Variants in SCAPER observed in about 807,000 individuals in gnomAD.
SCAPER encodes the protein S-phase cyclin A associated protein in the ER.
A neutral mutation model predicts 182.2 loss-of-function variants in SCAPER; 98 were observed. The observed-to-expected ratio is 0.54, with a 90% CI of 0.46 to 0.64. The LOEUF (loss-of-function observed/expected upper bound fraction) is 0.64. Ranked by LOEUF, SCAPER falls within the 30% of genes least tolerant of loss-of-function variation. SCAPER has a pLI of 0.00. For missense variants in SCAPER, 1,432 were observed against 1,690.0 expected, an observed-to-expected ratio of 0.85 and a Z score of 2.68; for synonymous variants, 605 against 564.6, an observed-to-expected ratio of 1.07 and a Z score of -1.01.
chr15:76,669,215 G>GCAACAA (rs34500814), intron 20 of SCAPER, among the ~76,000 whole-genome samples: 146 of 151,342 alleles, frequency 9.6e-4, no homozygotes, highest in African/African-American at 2.9e-3. Flanking sequence ...AAAACAAGCA[G>GCAACAA]CAGCAACAAC....
rs146885363 is a variant in SCAPER, at chr15:76,606,915, C to A, written c.2711+14849G>T. 9.0e-3 allele frequency among the ~76,000 whole-genome samples: 1,373 copies of A among 152,274 alleles called. 22 individuals carry two copies. Among genetic ancestry groups the A allele is most frequent in the African/African-American group, 0.032 (1,333 of 41,536 alleles). Reference sequence around the variant, plus strand: ...TATTTTGAGCCTATGTGTATCTCTGCACGTGAGATGGGTTTCCTGAATACA... The same window carrying A: ...TATTTTGAGCCTATGTGTATCTCTGAACGTGAGATGGGTTTCCTGAATACA... On this transcript the variant is annotated intron_variant, in intron 22 of 31. Transcript: ENST00000563290.
chr15:76,799,218 T>A (rs2065567591), intron 7 of SCAPER, among the ~76,000 whole-genome samples: 1 of 152,182 alleles, frequency 6.6e-6, no homozygotes, highest in African/African-American at 2.4e-5. Flanking sequence ...ATGTGAGTTT[T>A]AATCTTTGAA....
chr15:76,741,997 C>CATT (rs2061562991), intron 15 of SCAPER, among the ~76,000 whole-genome samples: 1 of 152,000 alleles, frequency 6.6e-6, no homozygotes, highest in South Asian at 2.1e-4. Context: ...AGTGAAACTT[C>CATT]ATTTTTCAGT....
intron 31 of SCAPER, 68 bp downstream of exon 31, chr15:76,351,169 A>G: frequency 7.3e-7 from 1 of 1,375,282 alleles, no homozygotes; most frequent in Admixed American, 2.2e-5. Flanking sequence ...GCAGTTCCAG[A>G]GGAAAGGATA....
At chr15:76,467,690 C>T (rs180981166) in intron 25 of SCAPER, among the ~76,000 whole-genome samples, 34 of 152,264 alleles carry the variant, frequency 2.2e-4, no homozygotes, top group South Asian at 2.1e-4. Context: ...CGTTGTAGTT[C>T]TGATAACATT....
intron 23 of SCAPER, among the ~76,000 whole-genome samples, chr15:76,572,919 T>TCTCACACACACACACACACACA (rs1477852757): frequency 5.2e-5 from 7 of 135,174 alleles, no homozygotes; most frequent in African/African-American, 2.0e-4. Flanking sequence ...TCTCTCTCTC[T>TCTCACACACACACACACACACA]CACACACACA....
chr15:76,758,624 A>C (rs914575026), intron 14 of SCAPER, among the ~76,000 whole-genome samples: 3 of 152,306 alleles, frequency 2.0e-5, no homozygotes, highest in Non-Finnish European at 4.4e-5. Flanking sequence ...CTCTAAAAAC[A>C]AATGGTTGGG....
chr15:76,679,550 T>G (rs887655942), intron 20 of SCAPER, among the ~76,000 whole-genome samples: 1 of 152,268 alleles, frequency 6.6e-6, no homozygotes, highest in Admixed American at 6.5e-5. Flanking sequence ...CTAAGGTCCC[T>G]TTCCACAGAT....
rs114744487 is a variant in SCAPER at position 76,378,505 on chromosome 15, C to T, written c.3706-2194G>A. ...ATAGTAGTTTTCTGGAAAACTCATC[C>T]GTTGCTATACAGTACAAATACTATG... On this transcript the variant is annotated intron_variant, in intron 28 of 31. Transcript: ENST00000563290. Among the ~76,000 whole-genome samples, 386 of 152,212 alleles carry T rather than the reference C, an allele frequency of 2.5e-3. 2 individuals are homozygous for T. The highest frequency in any genetic ancestry group is 8.9e-3 in the African/African-American group (368 of 41,524).
intron 20 of SCAPER, among the ~76,000 whole-genome samples, chr15:76,675,479 C>T (rs1337631018): frequency 1.3e-5 from 2 of 152,100 alleles, no homozygotes; most frequent in East Asian, 3.9e-4. Context: ...CATCACTTTC[C>T]TTGCTTGGTT....
chr15:76,832,099 T>C (rs2068540510), intron 5 of SCAPER, among the ~76,000 whole-genome samples: 1 of 152,114 alleles, frequency 6.6e-6, no homozygotes, highest in Non-Finnish European at 1.5e-5. Context: ...TATCTCCAAA[T>C]AACTGCACTA....
At chr15:76,729,016 C>T (rs1048773869) in intron 16 of SCAPER, among the ~76,000 whole-genome samples, 7 of 152,042 alleles carry the variant, frequency 4.6e-5, no homozygotes, top group Admixed American at 6.6e-5. Context: ...GATGGTTAAT[C>T]AGCTGCCAGC....
In SCAPER at chr15:76,853,614, C is replaced by T. The variant is rs114749942; in HGVS notation, c.195+4195G>A. Among the ~76,000 whole-genome samples the T allele has an allele frequency of 7.5e-3, 1,135 of 150,998 alleles. 19 individuals are homozygous for T. Among genetic ancestry groups the T allele is most frequent in the African/African-American group, 0.026 (1,082 of 41,280 alleles). ...AGAAAAAGCTTTCGATATAACTCAA[C>T]ATATCTTCACGTTAAAAACTCTCAA... is the stretch of plus-strand genomic sequence containing the variant. On this transcript the variant is annotated intron_variant, in intron 4 of 31. Transcript: ENST00000563290.
intron 25 of SCAPER, among the ~76,000 whole-genome samples, chr15:76,459,111 A>G (rs2048960246): frequency 6.6e-6 from 1 of 151,920 alleles, no homozygotes; most frequent in Non-Finnish European, 1.5e-5. Context: ...GGCTGGTCTC[A>G]AAACTCCTGG....
At chr15:76,805,982 C>A (rs1040024029) in intron 5 of SCAPER, among the ~76,000 whole-genome samples, 5 of 152,090 alleles carry the variant, frequency 3.3e-5, no homozygotes, top group African/African-American at 7.2e-5. Context: ...AGGTATTAGA[C>A]CTTCATCAAC....
intron 1 of SCAPER, among the ~76,000 whole-genome samples, chr15:76,901,746 G>A (rs1368595959): frequency 4.0e-5 from 6 of 149,912 alleles, no homozygotes; most frequent in Non-Finnish European, 4.4e-5. Flanking sequence ...TTGAGACGGA[G>A]TCTCGCTCTG....
chr15:76,738,421 A>G (rs1275141821), intron 15 of SCAPER, among the ~76,000 whole-genome samples: 1 of 151,246 alleles, frequency 6.6e-6, no homozygotes, highest in Non-Finnish European at 1.5e-5. Flanking sequence ...AAGATGTAAA[A>G]CTCTTCTTTC....
intron 17 of SCAPER, among the ~76,000 whole-genome samples, chr15:76,714,545 T>C (rs944707391): frequency 3.3e-5 from 5 of 151,620 alleles, no homozygotes; most frequent in Admixed American, 6.6e-5. Flanking sequence ...GTAGTAGTAG[T>C]AGTAGTAGTA....
At chr15:76,479,708 T>A (rs1393203503) in intron 24 of SCAPER, among the ~76,000 whole-genome samples, 1 of 152,158 alleles carries the variant, frequency 6.6e-6, no homozygotes, top group Non-Finnish European at 1.5e-5. Flanking sequence ...TGTGGGAAGG[T>A]TTAATAATAT....
Sources: allele counts gnomAD v4.1 joint callset (sites outside exome capture counted in the v4.1 genomes callset), GRCh38; gene constraint gnomAD v4.1.1; transcripts MANE v1.5; gene names NCBI Gene and HGNC (gene_info 2026-07-23, HGNC 2026-07-21).